The following WDR43 variants were observed in gnomAD, a reference collection of about 807,000 sequenced individuals.
WDR43 encodes WD repeat domain 43, also known as WD repeat-containing protein 43.
Under a neutral mutation model 91.4 loss-of-function variants are expected in WDR43, and 13 were observed. That is an observed-to-expected ratio of 0.14 (90% CI 0.09 to 0.23). WDR43 has a LOEUF of 0.23. WDR43 is among the 10% of genes least tolerant of loss of function. The probability of loss-of-function intolerance (pLI) is 1.00; values close to 1 mark genes in which losing one functional copy is unlikely to be tolerated. For missense variants in WDR43, 780 were observed against 809.4 expected (o/e 0.96, Z 0.44); for synonymous variants, 331 against 287.9 (o/e 1.15, Z -1.51).
intron 5 of WDR43, among the ~76,000 whole-genome samples, chr2:28,914,908 A>T (rs1670877021): frequency 6.6e-6 from 1 of 152,228 alleles, no homozygotes; most frequent in South Asian, 2.1e-4. Flanking sequence ...TAGCCTGGCG[A>T]CAGAGCGAAA....
rs776453549 is a variant in WDR43, at chr2:28,942,292, A to T, written c.1735-20A>T. 1 of 1,609,524 alleles carries T rather than the reference A, an allele frequency of 6.2e-7. No homozygotes were observed. The highest frequency in any genetic ancestry group is 2.2e-5 in the East Asian group (1 of 44,788). On this transcript the variant is annotated intron_variant, in intron 15 of 17. Coordinates refer to ENST00000407426, the MANE Select transcript of WDR43 (RefSeq NM_015131.3). ...ATATGTTTACACTCTACTTCAGAACAGTACTTTATCTTCTTCCAGGTAACA... is the reference window on the plus strand; with the variant it reads ...ATATGTTTACACTCTACTTCAGAACTGTACTTTATCTTCTTCCAGGTAACA...
At position 28,894,941 on chromosome 2, in the gene WDR43, G is replaced by T. The variant is rs781743454; in HGVS notation, c.225+18G>T. 10 of 1,526,666 alleles carry T rather than the reference G, an allele frequency of 6.6e-6. No individual in the cohort carries two copies. The highest frequency in any genetic ancestry group is 7.9e-6 in the Non-Finnish European group (9 of 1,134,682). The allele number at this position is 1,526,666 out of a possible 1,614,324, so 94.6% of individuals were successfully genotyped here. ...AGGCCAAGGTAAAGCGAGCGGGACT[G>T]CGCGGGGCGGGCGCCTTCCCGGGCT... On this transcript the variant is annotated intron_variant, in intron 1 of 17. Coordinates refer to ENST00000407426, the MANE Select transcript of WDR43 (RefSeq NM_015131.3).
intron 3 of WDR43, among the ~76,000 whole-genome samples, chr2:28,907,967 A>G (rs921713433): frequency 6.6e-6 from 1 of 151,762 alleles, no homozygotes; most frequent in African/African-American, 2.4e-5. Context: ...ATGCTTTAGG[A>G]AAAAGTAATC....
At chr2:28,935,488 G>T (rs989518052) in intron 11 of WDR43, 33 bp from the exon 12 acceptor site, 9 of 1,450,456 alleles carry the variant, frequency 6.2e-6, no homozygotes, top group Non-Finnish European at 8.5e-6. Context: ...TTGTCAGTAT[G>T]CTCATCTTAA....
intron 1 of WDR43, among the ~76,000 whole-genome samples, chr2:28,897,681 A>G (rs1670508429): frequency 6.6e-6 from 1 of 152,266 alleles, no homozygotes; most frequent in Non-Finnish European, 1.5e-5. Flanking sequence ...TTGCTACGCA[A>G]GGACAAAGTG....
intron 6 of WDR43, among the ~76,000 whole-genome samples, chr2:28,921,167 C>T (rs1288103292): frequency 2.8e-5 from 4 of 144,530 alleles, no homozygotes; most frequent in African/African-American, 7.9e-5. Flanking sequence ...CTTGCTTTGT[C>T]GCCAGGCTGG....
rs138039407 is a variant in WDR43, at chr2:28,934,345, C to G, written c.1438-1176C>G. Among the ~76,000 whole-genome samples the G allele has an allele frequency of 7.1e-3, 1,078 of 152,262 alleles. 6 individuals carry two copies. The highest frequency in any genetic ancestry group is 0.012 in the Non-Finnish European group (800 of 68,012). ...GATACAGTGTTTATTTTTATCATAT[C>G]ATAGTATTTGTTTCATGGGTAAAGA... On this transcript the variant is annotated intron_variant, in intron 11 of 17. Transcript: ENST00000407426.
intron 11 of WDR43, among the ~76,000 whole-genome samples, chr2:28,931,434 G>C (rs987041779): frequency 5.9e-5 from 9 of 152,176 alleles, no homozygotes; most frequent in Admixed American, 3.3e-4. Flanking sequence ...TATTTAGTTG[G>C]TATGCCCCTT....
At chr2:28,904,478 G>A (rs968252041) in intron 2 of WDR43, among the ~76,000 whole-genome samples, 1 of 152,208 alleles carries the variant, frequency 6.6e-6, no homozygotes, top group Non-Finnish European at 1.5e-5. Flanking sequence ...TTCCAAAAGG[G>A]TATGCTAGTT....
chr2:28,900,480 C>T (rs544872259), intron 1 of WDR43, among the ~76,000 whole-genome samples: 10 of 152,196 alleles, frequency 6.6e-5, no homozygotes, highest in African/African-American at 2.4e-4. Flanking sequence ...CCACACTCAG[C>T]CTTCTTGGAA....
At chr2:28,915,422 A>G (rs1255694987) in intron 5 of WDR43, among the ~76,000 whole-genome samples, 2 of 152,212 alleles carry the variant, frequency 1.3e-5, no homozygotes, top group African/African-American at 4.8e-5. Context: ...GAGTTGCTTC[A>G]ATCTCAAATG....
At chr2:28,942,220 G>A (rs963688022) in intron 15 of WDR43, 92 bp from the exon 16 acceptor site, 1 of 1,247,566 alleles carries the variant, frequency 8.0e-7, no homozygotes, top group Non-Finnish European at 1.1e-6. Flanking sequence ...TGAGTTAGCA[G>A]CAAGCAGTGG....
chr2:28,937,026 T>C lies in WDR43; in HGVS notation c.1556+73T>C, dbSNP rs1280259258. 5 of 1,426,678 alleles carry C rather than the reference T, an allele frequency of 3.5e-6. No individual in the cohort carries two copies. In the African/African-American group the frequency reaches 7.2e-5, roughly 21 times the overall value. The allele number at this position is 1,426,678 out of a possible 1,614,324, so 88.4% of individuals were successfully genotyped here. A position where few individuals can be genotyped will look rare whatever the true frequency, so the allele number is the denominator to read the frequency against. The stretch of plus-strand genomic sequence containing the variant: ...AATTAAATATTAGGTGGTTCTGATT[T>C]CTAACTAATAAAACTCTTTCAGTGT... On this transcript the variant is annotated intron_variant, in intron 13 of 17. Transcript: ENST00000407426.
In WDR43 at chr2:28,946,580, C is replaced by A; in HGVS notation, c.1855-20C>A. 1 of 1,568,900 alleles carries A rather than the reference C, an allele frequency of 6.4e-7. No homozygotes were observed. Among genetic ancestry groups the A allele is most frequent in the East Asian group, 2.3e-5 (1 of 43,138 alleles). On this transcript the variant is annotated intron_variant, in intron 17 of 17. Coordinates refer to ENST00000407426, the MANE Select transcript of WDR43 (RefSeq NM_015131.3). ...GAATGAGACCTTCATGAATGCTTTC[C>A]TTGTTGGTATTTCGACTAGGATAAT...
intron 3 of WDR43, among the ~76,000 whole-genome samples, chr2:28,909,531 A>G (rs1420686696): frequency 6.6e-6 from 1 of 152,152 alleles, no homozygotes; most frequent in Non-Finnish European, 1.5e-5. Context: ...CCTTCAAATC[A>G]CTGGAGATCC....
chr2:28,912,513 G>T, intron 3 of WDR43, 77 bp from the exon 4 acceptor site: 2 of 1,533,286 alleles, frequency 1.3e-6, no homozygotes, highest in Admixed American at 2.0e-5. Context: ...TGTTCAGTTT[G>T]TTTTTTTGTT....
intron 1 of WDR43, 36 bp from the exon 2 acceptor site, chr2:28,901,951 A>G: frequency 6.4e-7 from 1 of 1,562,994 alleles, no homozygotes; most frequent in East Asian, 2.3e-5. Flanking sequence ...AGTATTTGCA[A>G]TACTAAATAA....
Position 28,925,250 on chromosome 2 carries a change from T to C in WDR43, c.1086+97T>C, listed in dbSNP as rs1671106495. 1.0e-5 allele frequency: 12 copies of C among 1,168,498 alleles called. No individual in the cohort carries two copies. In the East Asian group the frequency reaches 3.4e-4, roughly 33 times the overall value. The allele number at this position is 1,168,498 out of a possible 1,614,324, so 72.4% of individuals were successfully genotyped here. On this transcript the variant is annotated intron_variant, in intron 8 of 17. Transcript: ENST00000407426. Reference sequence around the variant, plus strand: ...TAACAACATTGGTCTTTAAGATAAATAATATATTCTTTTTTAATTAAAGGA... The same window carrying C: ...TAACAACATTGGTCTTTAAGATAAACAATATATTCTTTTTTAATTAAAGGA...
chr2:28,935,431 A>G, intron 11 of WDR43, 90 bp from the exon 12 acceptor site: 2 of 880,670 alleles, frequency 2.3e-6, no homozygotes, highest in Non-Finnish European at 3.5e-6. Flanking sequence ...TAAATGATTT[A>G]AAGGATTCAT....
Sources: gnomAD v4.1 joint callset for allele counts (sites outside exome capture counted in the v4.1 genomes callset) on GRCh38, gnomAD v4.1.1 for gene constraint, MANE v1.5 for transcripts, NCBI Gene and HGNC (gene_info 2026-07-23, HGNC 2026-07-21) for gene names.